TRPC6: variants seen among roughly 807,000 people sequenced by gnomAD.
TRPC6 encodes transient receptor potential cation channel subfamily C member 6, also known as short transient receptor potential channel 6.
Under a neutral mutation model 90.7 loss-of-function variants are expected in TRPC6, and 55 were observed. The ratio of observed to expected loss-of-function variants is 0.61; its 90% CI spans 0.49 to 0.76. The LOEUF (loss-of-function observed/expected upper bound fraction) is 0.76, where lower values mean the gene tolerates loss of function less well. TRPC6 is among the 30% of genes least tolerant of loss of function. The pLI, the probability that TRPC6 is intolerant of heterozygous loss-of-function variation, is 0.00. For missense variants in TRPC6, 989 were observed against 1,122.7 expected, an observed-to-expected ratio of 0.88 and a Z score of 1.70; for synonymous variants, 393 against 393.0, an observed-to-expected ratio of 1.00 and a Z score of 0.00.
chr11:101,462,979 T>G (rs1337987282), intron 10 of TRPC6, among the ~76,000 whole-genome samples: 1 of 152,182 alleles, frequency 6.6e-6, no homozygotes, highest in Admixed American at 6.5e-5. Flanking sequence ...TTAAGATACG[T>G]CCCATCAATA....
chr11:101,541,963 A>G (rs545916772), intron 1 of TRPC6, among the ~76,000 whole-genome samples: 2 of 152,228 alleles, frequency 1.3e-5, no homozygotes, highest in Non-Finnish European at 2.9e-5. Flanking sequence ...TATCTGGAAA[A>G]TATCAGGCAA....
chr11:101,460,824 C>T (rs1858988064), intron 10 of TRPC6, among the ~76,000 whole-genome samples: 1 of 152,078 alleles, frequency 6.6e-6, no homozygotes, highest in African/African-American at 2.4e-5. Flanking sequence ...AGTCAGTTGC[C>T]TGTATATGTC....
At chr11:101,509,583 C>A (rs1163395751) in intron 1 of TRPC6, among the ~76,000 whole-genome samples, 1 of 152,074 alleles carries the variant, frequency 6.6e-6, no homozygotes, top group Non-Finnish European at 1.5e-5. Context: ...GACTTTCCTG[C>A]CCATTTATTT....
At position 101,491,606 on chromosome 11, in the gene TRPC6, G is replaced by C. The variant is rs749181706; in HGVS notation, c.1078C>G (p.Arg360Gly). 1.1e-5 allele frequency: 18 copies of C among 1,613,670 alleles called. 1 individual carries two copies. In the South Asian group the frequency reaches 2.0e-4, roughly 18 times the overall value. ...AGTTTTAAACGGCTGAGATTTGGGC[G>C]ACCGTGATCACCACTCTGGAGCGTT... Reference protein sequence around the residue: ...VETLQSGDHGRPNLSRLKLAI... With the variant: ...VETLQSGDHGGPNLSRLKLAI... Residue 360 changes from arginine to glycine, a missense_variant, in exon 3 of 13, where the codon CGC (arginine) becomes GGC (glycine). Around this residue, in one of 4 missense-constraint regions of TRPC6, gnomAD observed 486 missense variants for 591.9 expected, o/e 0.82. Transcript: ENST00000344327.
At chr11:101,544,889 G>A (rs2136826545) in intron 1 of TRPC6, among the ~76,000 whole-genome samples, 1 of 126,688 alleles carries the variant, frequency 7.9e-6, no homozygotes, top group South Asian at 2.3e-4. Context: ...TAAAAAAAAT[G>A]TTTGTTCAGT....
intron 1 of TRPC6, among the ~76,000 whole-genome samples, chr11:101,506,273 T>A (rs538225160): frequency 1.3e-5 from 2 of 151,740 alleles, no homozygotes; most frequent in East Asian, 3.9e-4. Context: ...GGTCACAAAC[T>A]TCCCAGTATA....
chr11:101,530,505 T>C (rs1860886737), intron 1 of TRPC6, among the ~76,000 whole-genome samples: 1 of 151,694 alleles, frequency 6.6e-6, no homozygotes, highest in Non-Finnish European at 1.5e-5. Context: ...CAGTTCTAGC[T>C]CCTCTTATCT....
chr11:101,469,330 C>A, intron 10 of TRPC6, 97 bp downstream of exon 10: 1 of 694,528 alleles, frequency 1.4e-6, no homozygotes. Context: ...TGGGTCTGTT[C>A]TCTACTTGCT....
At chr11:101,566,617 G>C (rs564168687) in intron 1 of TRPC6, among the ~76,000 whole-genome samples, 1 of 152,216 alleles carries the variant, frequency 6.6e-6, no homozygotes, top group East Asian at 1.9e-4. Context: ...GAACAGCTCC[G>C]GTCTGCAGCT....
In TRPC6 at chr11:101,488,945, A is replaced by G. The variant is rs202114017; in HGVS notation, c.1285T>C (p.Cys429Arg). ...AGGCTTCACATACATACCTTGCTGC[A>G]TGGAGCAAACCAGTAAATGAGAGCC... Reference protein sequence around the residue: ...FLALIYWFAPCSKMGKIMRGP... With the variant: ...FLALIYWFAPRSKMGKIMRGP... Residue 429 changes from cysteine (C) to arginine (R), a missense_variant, in exon 4 of 13, where the codon TGC becomes CGC. By Grantham distance (180) the Cys-to-Arg change is radical. Coordinates refer to ENST00000344327, the MANE Select transcript of TRPC6 (RefSeq NM_004621.6). 1 of 1,614,164 alleles carries G rather than the reference A, an allele frequency of 6.2e-7. No individual in the cohort carries two copies.
At chr11:101,486,049 C>T (rs1859672738) in intron 4 of TRPC6, among the ~76,000 whole-genome samples, 1 of 151,612 alleles carries the variant, frequency 6.6e-6, no homozygotes, top group East Asian at 1.9e-4. Context: ...TATTAAAAGT[C>T]TTAGGGTATT....
intron 1 of TRPC6, among the ~76,000 whole-genome samples, chr11:101,574,057 C>T (rs35245463): frequency 0.36 from 53,750 of 149,940 alleles, 11,092 homozygotes; most frequent in Non-Finnish European, 0.45. Context: ...AACAGTCTAC[C>T]TCTATGTAAT....
intron 1 of TRPC6, among the ~76,000 whole-genome samples, chr11:101,547,564 A>G (rs1861335929): frequency 2.0e-5 from 3 of 152,200 alleles, no homozygotes; most frequent in African/African-American, 7.2e-5. Flanking sequence ...AATTACGTCA[A>G]CCATGCCCCC....
chr11:101,461,098 A>T (rs942363258), intron 10 of TRPC6, among the ~76,000 whole-genome samples: 4 of 152,222 alleles, frequency 2.6e-5, no homozygotes, highest in Non-Finnish European at 5.9e-5. Context: ...AATGATTGGG[A>T]CCACACAATA....
At position 101,476,341 on chromosome 11, in the gene TRPC6, C is replaced by T. The variant is rs746304987; in HGVS notation, c.1704G>A (p.Thr568=). 6.2e-5 allele frequency: 100 copies of T among 1,613,968 alleles called. No homozygotes were observed. Among genetic ancestry groups the T allele is most frequent in the South Asian group, 4.0e-4 (36 of 91,082 alleles). Residue 568 remains threonine (T), a synonymous_variant, in exon 6 of 13, where the codon ACG becomes ACA. Transcript: ENST00000344327. ...TCACATTGTCTCCCAATGTTACTTT[C>T]GTCAAGTCCTTCAAAGTATCATTTG... The part of the protein sequence containing the change: ...IDANDTLKDL[T]KVTLGDNVKY...
chr11:101,491,642 C>T lies in TRPC6; in HGVS notation c.1042G>A (p.Gly348Arg). Residue 348 changes from glycine to arginine, a missense_variant, in exon 3 of 13, where the codon GGG (glycine) becomes AGG (arginine). Physicochemically the swap from Gly to Arg is moderately radical, Grantham distance 125. Coordinates refer to ENST00000344327, the MANE Select transcript of TRPC6 (RefSeq NM_004621.6). The part of the protein sequence containing the change: ...NTEEVEAILN[G>R]DVETLQSGDH... ...CCACTCTGGAGCGTTTCAACATCCCCATTCAGAATGGCCTCGACTTCTTCA... is the reference window on the plus strand; with the variant it reads ...CCACTCTGGAGCGTTTCAACATCCCTATTCAGAATGGCCTCGACTTCTTCA... 1.2e-6 allele frequency: 2 copies of T among 1,613,978 alleles called. No individual in the cohort carries two copies. The highest frequency in any genetic ancestry group is 2.2e-5 in the East Asian group (1 of 44,844).
At chr11:101,472,359 AAAT>A in intron 7 of TRPC6, 27 bp from the exon 8 acceptor site, 2 of 1,598,390 alleles carry the variant, frequency 1.3e-6, no homozygotes, top group Non-Finnish European at 1.7e-6. Flanking sequence ...AGAAGAAAAG[AAAT>A]AAGAAAGTGT....
At chr11:101,497,324 G>A (rs369338725) in intron 2 of TRPC6, among the ~76,000 whole-genome samples, 11 of 152,196 alleles carry the variant, frequency 7.2e-5, no homozygotes, top group Non-Finnish European at 1.6e-4. Flanking sequence ...CTGCCTCGCA[G>A]ACTATTTTGC....
chr11:101,459,231 G>A (rs1858949377), intron 10 of TRPC6, among the ~76,000 whole-genome samples: 2 of 152,148 alleles, frequency 1.3e-5, no homozygotes, highest in South Asian at 4.1e-4. Flanking sequence ...TTATACCTAT[G>A]AGAGATAAAG....
Sources: gnomAD v4.1 joint callset for allele counts (sites outside exome capture counted in the v4.1 genomes callset) on GRCh38, gnomAD v4.1.1 for gene constraint, gnomAD v4.1.1 regional missense constraint, MANE v1.5 for transcripts, NCBI Gene and HGNC (gene_info 2026-07-23, HGNC 2026-07-21) for gene names.